Variants in HM13 observed in about 807,000 individuals in gnomAD.
HM13 encodes histocompatibility minor 13, also known as signal peptide peptidase.
In HM13, 18 loss-of-function variants were observed where a neutral mutation model predicts 50.0. The observed-to-expected ratio is 0.36, with a 90% CI of 0.25 to 0.53. The LOEUF is 0.53. HM13 is among the 20% of genes least tolerant of loss of function. The pLI is 0.90. For synonymous variants in HM13, 197 were observed against 232.6 expected (o/e 0.85, Z 1.39); for missense variants, 393 against 552.4 (o/e 0.71, Z 2.89).
chr20:31,561,084 A>G (rs1049666748), intron 9 of HM13, among the ~76,000 whole-genome samples: 3 of 152,240 alleles, frequency 2.0e-5, no homozygotes, highest in African/African-American at 4.8e-5. Context: ...TGCAGCCAGC[A>G]TCTAGTTAGT....
In HM13 at chr20:31,569,175, A is replaced by G; in HGVS notation, c.1237A>G (p.Thr413Ala). Residue 413 changes from threonine (T) to alanine (A), a missense_variant, in exon 13 of 13, where the codon ACA becomes GCA. By Grantham distance (58) the Thr-to-Ala change is moderately conservative. Around this residue, in one of 3 missense-constraint regions of HM13, gnomAD observed 105 missense variants for 115.9 expected, o/e 0.91. Transcript: ENST00000398174. ...PAAVTESKEG[T>A]EASASKGLEK... ...GGCAGTGACAGAATCCAAAGAGGGA[A>G]CAGAGGCATCAGCATCGAAGGGGCT... 1 of 1,604,926 alleles carries G rather than the reference A, an allele frequency of 6.2e-7. No homozygotes were observed. Among genetic ancestry groups the G allele is most frequent in the Non-Finnish European group, 8.5e-7 (1 of 1,175,292 alleles).
intron 7 of HM13, among the ~76,000 whole-genome samples, chr20:31,553,816 A>G (rs554847902): frequency 8.5e-5 from 13 of 152,100 alleles, no homozygotes; most frequent in Non-Finnish European, 1.6e-4. Flanking sequence ...TTTCTCCCTC[A>G]GCAAATACAG....
At chr20:31,554,303 A>T (rs1984181672) in intron 7 of HM13, among the ~76,000 whole-genome samples, 1 of 151,970 alleles carries the variant, frequency 6.6e-6, no homozygotes, top group South Asian at 2.1e-4. Flanking sequence ...CAGAGGTTGC[A>T]GTGAGCCAAG....
At chr20:31,559,282 G>A (rs529500282) in intron 8 of HM13, among the ~76,000 whole-genome samples, 1 of 152,290 alleles carries the variant, frequency 6.6e-6, no homozygotes, top group South Asian at 2.1e-4. Flanking sequence ...CTCTGTGGGA[G>A]CAGCGATTTT....
At chr20:31,550,176 C>A in intron 7 of HM13, 55 bp downstream of exon 7, 2 of 1,290,802 alleles carry the variant, frequency 1.5e-6, no homozygotes, top group Non-Finnish European at 2.3e-6. Context: ...CCGGGCCATG[C>A]CCCCACAGCC....
chr20:31,521,276 T>C (rs947310055), intron 1 of HM13, among the ~76,000 whole-genome samples: 2 of 152,336 alleles, frequency 1.3e-5, no homozygotes, highest in East Asian at 1.9e-4. Context: ...ATAGGAAAGA[T>C]AGAAATCTTC....
intron 1 of HM13, among the ~76,000 whole-genome samples, chr20:31,515,382 A>T (rs527439712): frequency 6.6e-6 from 1 of 152,246 alleles, no homozygotes; most frequent in Non-Finnish European, 1.5e-5. Context: ...GCTCCTCAGA[A>T]GCTGGCATCT....
intron 8 of HM13, among the ~76,000 whole-genome samples, chr20:31,555,289 A>G (rs1244330866): frequency 6.6e-6 from 1 of 152,178 alleles, no homozygotes; most frequent in Non-Finnish European, 1.5e-5. Flanking sequence ...GTGCCAAGAC[A>G]TCTCCAGGGA....
At chr20:31,562,693 CTG>C (rs1984685928) in intron 10 of HM13, 1 of 152,182 alleles carries the variant, frequency 6.6e-6, no homozygotes, top group Admixed American at 6.5e-5. Flanking sequence ...TTTAATCACT[CTG>C]TGCCAGGCAC....
chr20:31,548,112 G>A, intron 4 of HM13: 1 of 1,059,174 alleles, frequency 9.4e-7, no homozygotes, highest in East Asian at 2.4e-5. Flanking sequence ...ATGTGTGTTT[G>A]TGTCTGTGTG....
rs1984220193 is a variant in HM13 at position 31,554,742 on chromosome 20, T to C, written c.725-4T>C. 4 of 1,613,496 alleles carry C rather than the reference T, an allele frequency of 2.5e-6. No homozygotes were observed. The highest frequency in any genetic ancestry group is 1.3e-5 in the African/African-American group (1 of 74,840). On this transcript the variant is annotated splice_region_variant and splice_polypyrimidine_tract_variant and intron_variant, in intron 7 of 12. Transcript: ENST00000398174. ...ACTCCTCACATTCCCGCCTCCCGCTTCAGTGGTGTTTCCCCAGGATCTGCT... is the reference window on the plus strand; with the variant it reads ...ACTCCTCACATTCCCGCCTCCCGCTCCAGTGGTGTTTCCCCAGGATCTGCT...
intron 6 of HM13, 125 bp downstream of exon 6, chr20:31,549,457 C>G (rs1001344967): frequency 8.1e-7 from 1 of 1,237,652 alleles, no homozygotes. Context: ...AGTTCCGGAC[C>G]GCAGAGCAAG....
At chr20:31,544,140 G>GAA (rs1352367247) in intron 3 of HM13, among the ~76,000 whole-genome samples, 1 of 152,258 alleles carries the variant, frequency 6.6e-6, no homozygotes, top group Non-Finnish European at 1.5e-5. Flanking sequence ...CAGAGCCACT[G>GAA]AAATGGCTCT....
intron 1 of HM13, among the ~76,000 whole-genome samples, chr20:31,526,207 A>G (rs1042772371): frequency 2.0e-5 from 3 of 149,698 alleles, no homozygotes; most frequent in Admixed American, 1.3e-4. Context: ...CCCAGGCTAG[A>G]GTGTTCAGTT....
At chr20:31,568,513 T>C (rs1372978280) in intron 12 of HM13, among the ~76,000 whole-genome samples, 3 of 152,226 alleles carry the variant, frequency 2.0e-5, no homozygotes, top group African/African-American at 7.2e-5. Flanking sequence ...AAGGTATATG[T>C]ATAACCTTAG....
intron 1 of HM13, among the ~76,000 whole-genome samples, chr20:31,521,854 C>CTTTTT (rs368753723): frequency 5.0e-5 from 6 of 120,628 alleles, no homozygotes; most frequent in African/African-American, 6.2e-5. Context: ...GTCTCCCATT[C>CTTTTT]TTTTTTTTTT....
At position 31,561,572 on chromosome 20, in the gene HM13, G is replaced by A. The variant is rs1336911333; in HGVS notation, c.846-62G>A. On this transcript the variant is annotated intron_variant, in intron 9 of 12. Coordinates refer to ENST00000398174, the MANE Select transcript of HM13 (RefSeq NM_178581.3). ...GGTCTTCCCCAGCTCCCTCAGAAGG[G>A]GTATTACTAGTTCAGTCCCTATATC... 26 of 1,123,598 alleles carry A rather than the reference G, an allele frequency of 2.3e-5. No individual in the cohort carries two copies. In the South Asian group the frequency reaches 2.7e-4, roughly 12 times the overall value. The allele number at this position is 1,123,598 out of a possible 1,614,324, so 69.6% of individuals were successfully genotyped here.
At position 31,569,104 on chromosome 20, in the gene HM13, T is replaced by C; in HGVS notation, c.1182-16T>C. On this transcript the variant is annotated splice_polypyrimidine_tract_variant and intron_variant, in intron 12 of 12. Transcript: ENST00000398174. Reference sequence around the variant, plus strand: ...TCTAAATGAATTTTTATTGTTGTTTTTTTTTTTTTGGTCAGTTATGAGGAG... The same window carrying C: ...TCTAAATGAATTTTTATTGTTGTTTCTTTTTTTTTGGTCAGTTATGAGGAG... 6.7e-7 allele frequency: 1 copy of C among 1,487,184 alleles called. No homozygotes were observed. The highest frequency in any genetic ancestry group is 9.0e-7 in the Non-Finnish European group (1 of 1,108,486). The allele number at this position is 1,487,184 out of a possible 1,614,324, so 92.1% of individuals were successfully genotyped here. A position where few individuals can be genotyped will look rare whatever the true frequency, so the allele number is the denominator to read the frequency against.
At chr20:31,527,692 A>C (rs1982579337) in intron 2 of HM13, 110 bp downstream of exon 2, 1 of 798,770 alleles carries the variant, frequency 1.3e-6, no homozygotes, top group Non-Finnish European at 2.0e-6. Context: ...AAAATAAAGA[A>C]GAAAGAAAAA....
Sources: allele counts gnomAD v4.1 joint callset (sites outside exome capture counted in the v4.1 genomes callset), GRCh38; gene constraint gnomAD v4.1.1; regional missense constraint gnomAD v4.1.1; transcripts MANE v1.5; gene names NCBI Gene and HGNC (gene_info 2026-07-23, HGNC 2026-07-21).